TMC1: variants seen among roughly 807,000 people sequenced by gnomAD.
TMC1 encodes the protein transmembrane channel like 1, also known as transmembrane channel-like protein 1.
In TMC1, 84 loss-of-function variants were observed where a neutral mutation model predicts 105.8. The observed-to-expected ratio is 0.79, with a 90% CI of 0.67 to 0.95. The LOEUF (loss-of-function observed/expected upper bound fraction) is 0.95. Among genes scored for constraint, TMC1 ranks in the 40% least tolerant of loss-of-function variants. TMC1 has a pLI of 0.00. For missense variants in TMC1, 817 were observed against 914.1 expected (o/e 0.89, Z 1.37); for synonymous variants, 315 against 311.5 (o/e 1.01, Z -0.12).
At chr9:72,808,444 A>G (rs1157034301) in intron 18 of TMC1, among the ~76,000 whole-genome samples, 1 of 152,208 alleles carries the variant, frequency 6.6e-6, no homozygotes, top group Non-Finnish European at 1.5e-5. Context: ...GGCACTGTTT[A>G]TATCAACACA....
At chr9:72,715,906 C>T (rs1279779164) in intron 8 of TMC1, among the ~76,000 whole-genome samples, 1 of 152,128 alleles carries the variant, frequency 6.6e-6, no homozygotes, top group Admixed American at 6.5e-5. Flanking sequence ...ATTTATCTAC[C>T]TTTGGTCTTT....
In TMC1 at chr9:72,629,252, G is replaced by T. The variant is rs145302097; in HGVS notation, c.-53+1189G>T. ...TCTGAAGCTTATAGTCTTTCTATAA[G>T]CTTCTTCAGTCTGAAGCTGCCCCTC... On this transcript the variant is annotated intron_variant, in intron 4 of 23. Coordinates refer to ENST00000297784, the MANE Select transcript of TMC1 (RefSeq NM_138691.3). 9.3e-3 allele frequency among the ~76,000 whole-genome samples: 1,409 copies of T among 152,236 alleles called. 14 individuals carry two copies. The highest frequency in any genetic ancestry group is 0.015 in the Non-Finnish European group (1,050 of 68,006).
chr9:72,542,755 C>G (rs1358978624), intron 1 of TMC1, among the ~76,000 whole-genome samples: 1 of 151,920 alleles, frequency 6.6e-6, no homozygotes, highest in Non-Finnish European at 1.5e-5. Flanking sequence ...TTTCAGCTCA[C>G]TGCAACCTCT....
intron 1 of TMC1, among the ~76,000 whole-genome samples, chr9:72,552,106 G>C (rs779127435): frequency 1.3e-4 from 20 of 152,116 alleles, no homozygotes; most frequent in Non-Finnish European, 2.5e-4. Flanking sequence ...CAGTGACCTT[G>C]TGTCTTCTGC....
intron 1 of TMC1, among the ~76,000 whole-genome samples, chr9:72,576,856 C>G (rs945240838): frequency 6.6e-6 from 1 of 151,860 alleles, no homozygotes; most frequent in African/African-American, 2.4e-5. Context: ...GTCTGGATCT[C>G]CTGACCTCGT....
chr9:72,612,834 G>C (rs1403893969), intron 2 of TMC1, among the ~76,000 whole-genome samples: 1 of 152,072 alleles, frequency 6.6e-6, no homozygotes, highest in East Asian at 1.9e-4. Context: ...GCATCTAGTG[G>C]ATAAAATCCA....
chr9:72,701,726 C>G (rs1047753677), intron 8 of TMC1, among the ~76,000 whole-genome samples: 6 of 152,244 alleles, frequency 3.9e-5, no homozygotes, highest in Admixed American at 2.0e-4. Context: ...TCTCCTGAAG[C>G]CTTAGTTACC....
intron 17 of TMC1, among the ~76,000 whole-genome samples, chr9:72,796,331 C>A (rs538960884): frequency 6.6e-6 from 1 of 152,026 alleles, no homozygotes; most frequent in African/African-American, 2.4e-5. Context: ...AGCTATTTCA[C>A]GAAATTGAGG....
intron 8 of TMC1, among the ~76,000 whole-genome samples, chr9:72,707,645 A>G (rs1356620818): frequency 1.3e-5 from 2 of 151,878 alleles, no homozygotes; most frequent in Non-Finnish European, 2.9e-5. Flanking sequence ...AGTTCTTTGT[A>G]GATTCTGGAT....
At chr9:72,806,622 G>A (rs569539553) in intron 18 of TMC1, among the ~76,000 whole-genome samples, 72 of 151,616 alleles carry the variant, frequency 4.7e-4, no homozygotes, top group African/African-American at 1.6e-3. Flanking sequence ...CCTCCCAGAC[G>A]GGGTCGCAGC....
At chr9:72,813,448 T>C (rs1299359103) in intron 18 of TMC1, among the ~76,000 whole-genome samples, 2 of 152,198 alleles carry the variant, frequency 1.3e-5, no homozygotes, top group Non-Finnish European at 2.9e-5. Context: ...AATTCTTTCA[T>C]AACTGGTTCT....
intron 13 of TMC1, among the ~76,000 whole-genome samples, chr9:72,784,115 A>G (rs1828133244): frequency 6.6e-6 from 1 of 152,190 alleles, no homozygotes; most frequent in Non-Finnish European, 1.5e-5. Flanking sequence ...AGAATTTATC[A>G]ACAGACTAAA....
intron 1 of TMC1, among the ~76,000 whole-genome samples, chr9:72,522,151 T>C: frequency 7.5e-6 from 1 of 132,488 alleles, no homozygotes; most frequent in East Asian, 2.1e-4. Context: ...CAGTAATTGA[T>C]AAGTTTTTTT....
At chr9:72,606,295 A>G (rs1824911442) in intron 2 of TMC1, among the ~76,000 whole-genome samples, 1 of 152,148 alleles carries the variant, frequency 6.6e-6, no homozygotes, top group Non-Finnish European at 1.5e-5. Context: ...TGGCTTCCCC[A>G]AAAGCATGGA....
At chr9:72,769,632 G>A (rs1827893446) in intron 12 of TMC1, among the ~76,000 whole-genome samples, 1 of 152,202 alleles carries the variant, frequency 6.6e-6, no homozygotes, top group Non-Finnish European at 1.5e-5. Context: ...TCAAGAGTTG[G>A]AGATACGATT....
chr9:72,699,500 C>T (rs1257878905), intron 7 of TMC1, among the ~76,000 whole-genome samples: 1 of 152,032 alleles, frequency 6.6e-6, no homozygotes, highest in Non-Finnish European at 1.5e-5. Context: ...ACATCTTCAC[C>T]CCTAATTTAT....
chr9:72,790,192 C>T (rs2118184855), intron 15 of TMC1, among the ~76,000 whole-genome samples: 1 of 152,134 alleles, frequency 6.6e-6, no homozygotes, highest in Non-Finnish European at 1.5e-5. Context: ...GTAGACTTCC[C>T]ACACTGAAAC....
At chr9:72,711,186 G>T (rs969593513) in intron 8 of TMC1, among the ~76,000 whole-genome samples, 2 of 152,160 alleles carry the variant, frequency 1.3e-5, no homozygotes, top group Admixed American at 1.3e-4. Flanking sequence ...ATTTGGGTTG[G>T]TTCCAAGTCT....
At chr9:72,812,019 T>C (rs902537174) in intron 18 of TMC1, among the ~76,000 whole-genome samples, 2 of 152,178 alleles carry the variant, frequency 1.3e-5, no homozygotes, top group Non-Finnish European at 2.9e-5. Context: ...TAATGGTTAG[T>C]GGTAGAGTTA....
Sources: allele counts gnomAD v4.1 joint callset (sites outside exome capture counted in the v4.1 genomes callset), GRCh38; gene constraint gnomAD v4.1.1; transcripts MANE v1.5; gene names NCBI Gene and HGNC (gene_info 2026-07-23, HGNC 2026-07-21).